The following ANK3 variants were observed in gnomAD, a reference collection of about 807,000 sequenced individuals.
ANK3 encodes ankyrin 3.
ANK3 carries 57 observed loss-of-function variants against 370.9 expected under a neutral mutation model. The observed-to-expected ratio is 0.15, with a 90% CI of 0.12 to 0.19. The LOEUF is 0.19. Ranked by LOEUF, ANK3 falls within the 10% of genes least tolerant of loss-of-function variation. The probability of loss-of-function intolerance (pLI) is 1.00; values close to 1 mark genes in which losing one functional copy is unlikely to be tolerated. For synonymous variants in ANK3, 1,929 were observed against 1,946.3 expected, an observed-to-expected ratio of 0.99 and a Z score of 0.23; for missense variants, 4,439 against 5,302.1, an observed-to-expected ratio of 0.84 and a Z score of 5.06.
At chr10:60,469,283 GTGTGTATA>G (rs201572515) in intron 2 of ANK3, among the ~76,000 whole-genome samples, 23 of 66 alleles carry the variant, frequency 0.35, 7 homozygotes, top group East Asian at 1. Flanking sequence ...CATTTTTAGT[GTGTGTATA>G]TATATATATA....
At chr10:60,186,956 A>C (rs1315746232) in intron 16 of ANK3, 44 bp from the exon 17 acceptor site, 2 of 1,571,464 alleles carry the variant, frequency 1.3e-6, no homozygotes, top group South Asian at 2.2e-5. Flanking sequence ...GAACAAGATA[A>C]AAATGTGCAC....
chr10:60,245,597 A>G (rs962656837), intron 7 of ANK3, among the ~76,000 whole-genome samples: 2 of 152,212 alleles, frequency 1.3e-5, no homozygotes, highest in Non-Finnish European at 2.9e-5. Flanking sequence ...GAGATTATAT[A>G]ATATGTAATC....
intron 23 of ANK3, among the ~76,000 whole-genome samples, chr10:60,150,088 G>T (rs1379545725): frequency 6.6e-6 from 1 of 152,140 alleles, no homozygotes. Flanking sequence ...CACTCCTCAG[G>T]TTTTTTCCCC....
chr10:60,089,428 A>T (rs1234698599), intron 28 of ANK3, among the ~76,000 whole-genome samples: 1 of 147,286 alleles, frequency 6.8e-6, no homozygotes, highest in East Asian at 2.0e-4. Flanking sequence ...CCTCCCAACC[A>T]ACTCACCTCT....
chr10:60,289,299 G>T (rs2040789272), intron 1 of ANK3, among the ~76,000 whole-genome samples: 2 of 135,412 alleles, frequency 1.5e-5, no homozygotes, highest in African/African-American at 2.8e-5. Context: ...ATGGGGTCTT[G>T]CTCTGTTGCC....
intron 41 of ANK3, among the ~76,000 whole-genome samples, 192 bp downstream of exon 41, chr10:60,059,148 G>C (rs2079824895): frequency 6.6e-6 from 1 of 152,192 alleles, no homozygotes; most frequent in South Asian, 2.1e-4. Flanking sequence ...TATTTCAACA[G>C]TTTTGAGAAT....
At chr10:60,629,273 G>A (rs907907620) in intron 1 of ANK3, among the ~76,000 whole-genome samples, 1 of 152,132 alleles carries the variant, frequency 6.6e-6, no homozygotes, top group African/African-American at 2.4e-5. Flanking sequence ...TAAATTTTTA[G>A]TATCTCCAGA....
At chr10:60,224,070 T>G (rs1459299650) in intron 8 of ANK3, among the ~76,000 whole-genome samples, 1 of 151,876 alleles carries the variant, frequency 6.6e-6, no homozygotes, top group Non-Finnish European at 1.5e-5. Context: ...CATAGAATAG[T>G]GTTGATCTCC....
At chr10:60,186,250 C>T (rs2096325341) in intron 17 of ANK3, among the ~76,000 whole-genome samples, 1 of 151,882 alleles carries the variant, frequency 6.6e-6, no homozygotes, top group Admixed American at 6.6e-5. Context: ...ACTTCCTGGA[C>T]TTCATTTTTA....
At chr10:60,050,603 G>A (rs528074299) in intron 42 of ANK3, 3 of 152,238 alleles carry the variant, frequency 2.0e-5, no homozygotes, top group African/African-American at 4.8e-5. Context: ...AAAAGTCTGC[G>A]CATTGAAAAT....
At chr10:60,491,023 A>G (rs1334714774) in intron 2 of ANK3, among the ~76,000 whole-genome samples, 1 of 152,208 alleles carries the variant, frequency 6.6e-6, no homozygotes, top group Admixed American at 6.5e-5. Context: ...TCTAAATGGA[A>G]TCATATATTA....
chr10:60,591,139 C>T (rs2077904404), intron 2 of ANK3, among the ~76,000 whole-genome samples: 1 of 152,054 alleles, frequency 6.6e-6, no homozygotes, highest in Non-Finnish European at 1.5e-5. Context: ...TGACCAGCTC[C>T]ATTAGTAAAG....
chr10:60,367,843 C>G (rs903142216), intron 1 of ANK3, among the ~76,000 whole-genome samples: 1 of 152,184 alleles, frequency 6.6e-6, no homozygotes, highest in Non-Finnish European at 1.5e-5. Context: ...ATAACCATCG[C>G]TTTCAGAAAT....
At chr10:60,377,922 G>A (rs1418863266) in intron 1 of ANK3, among the ~76,000 whole-genome samples, 1 of 152,108 alleles carries the variant, frequency 6.6e-6, no homozygotes, top group Admixed American at 6.6e-5. Flanking sequence ...TATTTTTATC[G>A]TAAATTGAAC....
intron 7 of ANK3, among the ~76,000 whole-genome samples, chr10:60,249,296 C>T (rs149941294): frequency 1.2e-4 from 19 of 152,234 alleles, no homozygotes; most frequent in African/African-American, 4.3e-4. Flanking sequence ...ATTAGATTTC[C>T]TGAAATGTTT....
At chr10:60,173,757 A>C (rs2095853320) in intron 18 of ANK3, among the ~76,000 whole-genome samples, 1 of 152,116 alleles carries the variant, frequency 6.6e-6, no homozygotes, top group Non-Finnish European at 1.5e-5. Flanking sequence ...TTGCCTTCCT[A>C]CCTAGAGTCC....
rs755994684 is a variant in ANK3 at position 60,070,707 on chromosome 10, T to C, written c.10174A>G (p.Ile3392Val). Reference protein sequence around the residue: ...IAQNGNNDQSITECSIATTAE... With the variant: ...IAQNGNNDQSVTECSIATTAE... ...GTGGTGGCAATGGAACACTCTGTGA[T>C]GGACTGGTCGTTGTTCCCATTCTGG... Residue 3392 changes from isoleucine (I) to valine (V), a missense_variant, in exon 37 of 44, where the codon ATC becomes GTC. Around this residue, in one of 13 missense-constraint regions of ANK3, gnomAD observed 1,601 missense variants for 1,731.7 expected, o/e 0.92. Transcript: ENST00000280772. This position sits in a 1 kb window ranked among gnomAD's most constrained non-coding sequence, Gnocchi z 5.7. 5.6e-6 allele frequency: 9 copies of C among 1,614,086 alleles called. No individual in the cohort carries two copies. In the East Asian group the frequency reaches 2.0e-4, roughly 36 times the overall value.
intron 23 of ANK3, 138 bp from the exon 24 acceptor site, chr10:60,139,225 G>C (rs756848503): frequency 8.6e-6 from 9 of 1,048,912 alleles, no homozygotes; most frequent in Non-Finnish European, 1.1e-5. Flanking sequence ...GATAATTTTT[G>C]AAACTCTCAT....
At chr10:60,541,754 G>A (rs1482597218) in intron 2 of ANK3, among the ~76,000 whole-genome samples, 1 of 151,858 alleles carries the variant, frequency 6.6e-6, no homozygotes, top group Non-Finnish European at 1.5e-5. Context: ...GTTCCTTTGG[G>A]GAAGGAAAAT....
Sources: allele counts gnomAD v4.1 joint callset (sites outside exome capture counted in the v4.1 genomes callset), GRCh38; gene constraint gnomAD v4.1.1; regional missense constraint gnomAD v4.1.1; non-coding constraint Gnocchi (gnomAD v3.1); transcripts MANE v1.5; gene names NCBI Gene and HGNC (gene_info 2026-07-23, HGNC 2026-07-21).